PKIB: variants seen among roughly 807,000 people sequenced by gnomAD.
PKIB encodes cAMP-dependent protein kinase inhibitor beta.
Under a neutral mutation model 4.5 loss-of-function variants are expected in PKIB, and 2 were observed. The observed-to-expected ratio is 0.44, with a 90% CI of 0.18 to 1.39. PKIB has a LOEUF of 1.39. Ranked by LOEUF, PKIB falls within the 40% of genes most tolerant of loss-of-function variation. PKIB has a pLI of 0.27. For missense variants in PKIB, 94 were observed against 92.6 expected (o/e 1.02, Z -0.06); for synonymous variants, 38 against 36.0 (o/e 1.06, Z -0.20).
At chr6:122,650,471 A>G (rs546537724) in intron 2 of PKIB, among the ~76,000 whole-genome samples, 43 of 152,320 alleles carry the variant, frequency 2.8e-4, no homozygotes, top group African/African-American at 9.1e-4. Context: ...TAGATTACCT[A>G]TTTCTTTTCT....
chr6:122,512,713 G>T (rs907113755), intron 2 of PKIB, among the ~76,000 whole-genome samples: 3 of 152,022 alleles, frequency 2.0e-5, no homozygotes, highest in African/African-American at 7.2e-5. Context: ...TGAGACTGTT[G>T]TTTTTCTTAT....
At chr6:122,496,905 G>T (rs929896542) in intron 2 of PKIB, among the ~76,000 whole-genome samples, 1 of 152,148 alleles carries the variant, frequency 6.6e-6, no homozygotes. Context: ...CAAAATGAAT[G>T]TTATTAAAGG....
intron 2 of PKIB, among the ~76,000 whole-genome samples, chr6:122,525,253 A>T (rs573771173): frequency 1.3e-4 from 20 of 152,154 alleles, no homozygotes; most frequent in African/African-American, 4.6e-4. Context: ...ATATTTGTAG[A>T]TTTTTTAGTT....
At chr6:122,695,678 C>T (rs1477002687) in intron 3 of PKIB, among the ~76,000 whole-genome samples, 2 of 151,956 alleles carry the variant, frequency 1.3e-5, no homozygotes, top group African/African-American at 4.8e-5. Flanking sequence ...AGTCTAATCT[C>T]TTCTAAATTT....
intron 3 of PKIB, among the ~76,000 whole-genome samples, chr6:122,703,800 A>G (rs1173297078): frequency 6.7e-6 from 1 of 150,228 alleles, no homozygotes; most frequent in Non-Finnish European, 1.5e-5. Flanking sequence ...ACATATATGT[A>G]TATATGTATA....
intron 1 of PKIB, among the ~76,000 whole-genome samples, chr6:122,632,253 A>G (rs747375262): frequency 3.1e-4 from 47 of 152,188 alleles, no homozygotes; most frequent in Non-Finnish European, 5.3e-4. Context: ...TTGAATGCAT[A>G]ATATAAAACT....
intron 3 of PKIB, among the ~76,000 whole-genome samples, chr6:122,593,930 C>G (rs182197315): frequency 6.6e-6 from 1 of 152,238 alleles, no homozygotes; most frequent in Admixed American, 6.5e-5. Context: ...ACTTTGTATC[C>G]TTCAATGCAA....
chr6:122,622,896 T>C (rs1775297291), intron 1 of PKIB, among the ~76,000 whole-genome samples: 1 of 152,212 alleles, frequency 6.6e-6, no homozygotes, highest in Admixed American at 6.5e-5. Context: ...GCAGGGCAGG[T>C]AGTTCTGGCA....
intron 2 of PKIB, among the ~76,000 whole-genome samples, chr6:122,553,026 A>G (rs1488626341): frequency 6.6e-6 from 1 of 151,938 alleles, no homozygotes; most frequent in Non-Finnish European, 1.5e-5. Flanking sequence ...ATCTCCTGTT[A>G]TAGTTAGTAA....
intron 2 of PKIB, among the ~76,000 whole-genome samples, chr6:122,484,919 G>A (rs1442086350): frequency 6.6e-6 from 1 of 152,138 alleles, no homozygotes; most frequent in African/African-American, 2.4e-5. Context: ...GATGAGTTTT[G>A]GCCAATCCTA....
At chr6:122,522,373 C>G (rs983175137) in intron 2 of PKIB, among the ~76,000 whole-genome samples, 25 of 152,156 alleles carry the variant, frequency 1.6e-4, no homozygotes, top group African/African-American at 5.8e-4. Context: ...CTTCAGCCCC[C>G]TTTCCAGGGG....
chr6:122,546,997 A>G (rs1033354754), intron 2 of PKIB, among the ~76,000 whole-genome samples: 11 of 152,120 alleles, frequency 7.2e-5, no homozygotes, highest in African/African-American at 2.7e-4. Context: ...GTCATTTGTA[A>G]TTTACTTTTG....
At chr6:122,622,950 T>G (rs948000888) in intron 1 of PKIB, among the ~76,000 whole-genome samples, 1 of 152,176 alleles carries the variant, frequency 6.6e-6, no homozygotes, top group African/African-American at 2.4e-5. Context: ...GTTTCTTTCT[T>G]CTTGAGGCTT....
rs568302615 is a variant in PKIB, at chr6:122,497,876, C to T, written c.-248+19937C>T. 3.3e-5 allele frequency among the ~76,000 whole-genome samples: 5 copies of T among 152,290 alleles called. No individual in the cohort carries two copies. The East Asian group carries it at 5.8e-4, about 18-fold the overall frequency. ...ACCAACTGGACACAATAGGCATCTACAGGACACTCTACCCATCAACCAACC... is the reference window on the plus strand; with the variant it reads ...ACCAACTGGACACAATAGGCATCTATAGGACACTCTACCCATCAACCAACC... On this transcript the variant is annotated intron_variant, in intron 2 of 6. Transcript: ENST00000392491.
intron 2 of PKIB, among the ~76,000 whole-genome samples, chr6:122,582,896 T>G (rs1194197230): frequency 6.6e-6 from 1 of 152,076 alleles, no homozygotes; most frequent in East Asian, 1.9e-4. Context: ...TAGAATATGG[T>G]CACATTATTC....
At chr6:122,654,551 T>G (rs536229988) in intron 2 of PKIB, among the ~76,000 whole-genome samples, 2 of 152,320 alleles carry the variant, frequency 1.3e-5, no homozygotes, top group East Asian at 3.9e-4. Context: ...ATTGAAGGTC[T>G]GCTATGTACA....
At chr6:122,683,807 A>T (rs1008659372) in intron 3 of PKIB, among the ~76,000 whole-genome samples, 1 of 152,260 alleles carries the variant, frequency 6.6e-6, no homozygotes, top group South Asian at 2.1e-4. Flanking sequence ...TTACAATCAG[A>T]AACTTTCCCC....
chr6:122,541,878 G>A (rs191877199), intron 2 of PKIB, among the ~76,000 whole-genome samples: 187 of 151,776 alleles, frequency 1.2e-3, no homozygotes, highest in African/African-American at 3.7e-3. Flanking sequence ...GGCTTTGTTC[G>A]TTTCTTTTTA....
rs187161352 is a variant in PKIB at position 122,520,960 on chromosome 6, C to T, written c.-248+43021C>T. On this transcript the variant is annotated intron_variant, in intron 2 of 6. Coordinates refer to the PKIB transcript ENST00000392491. ...GCTTGAAGAAGTGATAGTCAGTTGG[C>T]GAGACATCAGGTGAGTATGACGGAT... is the stretch of plus-strand genomic sequence containing the variant. Among the ~76,000 whole-genome samples the T allele has an allele frequency of 2.6e-3, 393 of 152,148 alleles. 3 individuals carry two copies. Among genetic ancestry groups the T allele is most frequent in the Non-Finnish European group, 2.4e-3 (160 of 68,004 alleles).
Sources: gnomAD v4.1 joint callset for allele counts (sites outside exome capture counted in the v4.1 genomes callset) on GRCh38, gnomAD v4.1.1 for gene constraint, MANE v1.5 for transcripts, NCBI Gene and HGNC (gene_info 2026-07-23, HGNC 2026-07-21) for gene names.